Variants in DLG1 observed in about 807,000 individuals in gnomAD.
The protein encoded by DLG1 is disks large homolog 1.
A neutral mutation model predicts 123.4 loss-of-function variants in DLG1; 42 were observed. That is an observed-to-expected ratio of 0.34 (90% CI 0.27 to 0.44). The LOEUF (loss-of-function observed/expected upper bound fraction) is 0.44, where lower values mean the gene tolerates loss of function less well. DLG1 is among the 20% of genes least tolerant of loss of function. The pLI, the probability that DLG1 is intolerant of heterozygous loss-of-function variation, is 1.00. For synonymous variants in DLG1, 317 were observed against 356.2 expected (o/e 0.89, Z 1.24); for missense variants, 942 against 1,082.6 (o/e 0.87, Z 1.82).
At chr3:197,186,358 A>T (rs1715986378) in intron 5 of DLG1, among the ~76,000 whole-genome samples, 1 of 152,236 alleles carries the variant, frequency 6.6e-6, no homozygotes, top group African/African-American at 2.4e-5. Flanking sequence ...TGGAAAACCT[A>T]TTTAAAATAA....
chr3:197,261,761 C>T (rs1759547056), intron 4 of DLG1, among the ~76,000 whole-genome samples: 1 of 152,044 alleles, frequency 6.6e-6, no homozygotes, highest in South Asian at 2.1e-4. Context: ...GTTGTTATTA[C>T]TATTATTAGT....
intron 24 of DLG1, among the ~76,000 whole-genome samples, chr3:197,048,795 A>G (rs1725193152): frequency 6.6e-6 from 1 of 152,076 alleles, no homozygotes; most frequent in East Asian, 1.9e-4. Context: ...AGTTGGGATT[A>G]CAGGCATGCA....
intron 7 of DLG1, among the ~76,000 whole-genome samples, chr3:197,142,224 T>C (rs1788407388): frequency 6.6e-6 from 1 of 152,018 alleles, no homozygotes; most frequent in South Asian, 2.1e-4. Flanking sequence ...ATAAACAATA[T>C]AAACAAAATT....
At chr3:197,068,381 AC>A in intron 19 of DLG1, 1 of 701,136 alleles carries the variant, frequency 1.4e-6, no homozygotes, top group Non-Finnish European at 2.3e-6. Flanking sequence ...TCATTTCCAC[AC>A]CAAAAAAAAA....
intron 11 of DLG1, among the ~76,000 whole-genome samples, chr3:197,129,210 C>A (rs997690734): frequency 6.6e-6 from 1 of 152,338 alleles, no homozygotes; most frequent in Non-Finnish European, 1.5e-5. Flanking sequence ...TTTGGTGTAG[C>A]CACTTCCATT....
At chr3:197,210,637 A>ATG (rs1446592629) in intron 4 of DLG1, among the ~76,000 whole-genome samples, 1 of 143,148 alleles carries the variant, frequency 7.0e-6, no homozygotes, top group Non-Finnish European at 1.6e-5. Context: ...ATATATATAT[A>ATG]TAAGTCTTTA....
intron 4 of DLG1, among the ~76,000 whole-genome samples, chr3:197,280,836 C>T (rs979042554): frequency 6.6e-5 from 10 of 152,128 alleles, no homozygotes; most frequent in African/African-American, 1.7e-4. Flanking sequence ...TTAGTCCCTT[C>T]TGTGTTGCTA....
intron 4 of DLG1, among the ~76,000 whole-genome samples, chr3:197,279,768 G>C (rs1768274818): frequency 6.6e-6 from 1 of 152,096 alleles, no homozygotes. Context: ...ATGCACTACT[G>C]ATCTTCCTGA....
intron 18 of DLG1, among the ~76,000 whole-genome samples, chr3:197,072,380 ATTTAC>A (rs1744498693): frequency 1.0e-5 from 1 of 97,858 alleles, no homozygotes; most frequent in African/African-American, 2.7e-5. Flanking sequence ...GTAATACATT[ATTTAC>A]TTGTAATACA....
chr3:197,159,828 T>C (rs537942348), intron 5 of DLG1, among the ~76,000 whole-genome samples: 2 of 152,178 alleles, frequency 1.3e-5, no homozygotes, highest in African/African-American at 2.4e-5. Context: ...GCAGAATAAA[T>C]AGGTCTTTTT....
At chr3:197,193,244 G>C (rs909529405) in intron 5 of DLG1, among the ~76,000 whole-genome samples, 1 of 152,004 alleles carries the variant, frequency 6.6e-6, no homozygotes, top group Non-Finnish European at 1.5e-5. Context: ...AAATGGGCAC[G>C]TAACAGATAA....
intron 17 of DLG1, among the ~76,000 whole-genome samples, chr3:197,077,986 T>C (rs1748388642): frequency 6.6e-6 from 1 of 152,070 alleles, no homozygotes; most frequent in Non-Finnish European, 1.5e-5. Context: ...GTTTTTGGCA[T>C]GCCCTTATTT....
chr3:197,269,255 C>A (rs1392593571), intron 4 of DLG1, among the ~76,000 whole-genome samples: 1 of 152,130 alleles, frequency 6.6e-6, no homozygotes, highest in Admixed American at 6.5e-5. Flanking sequence ...TCACCACAAA[C>A]ACTTGATATA....
chr3:197,215,657 A>G (rs1353928233), intron 4 of DLG1, among the ~76,000 whole-genome samples: 1 of 152,180 alleles, frequency 6.6e-6, no homozygotes, highest in African/African-American at 2.4e-5. Context: ...GTGCTGAACC[A>G]AAAAGCCACA....
chr3:197,115,750 G>C (rs940656226), intron 13 of DLG1, among the ~76,000 whole-genome samples, 177 bp downstream of exon 13: 4 of 152,044 alleles, frequency 2.6e-5, no homozygotes, highest in Non-Finnish European at 2.9e-5. Flanking sequence ...TTCTATAAAA[G>C]AACACCTATT....
intron 5 of DLG1, among the ~76,000 whole-genome samples, chr3:197,168,647 A>T (rs184020053): frequency 1.3e-5 from 2 of 152,370 alleles, no homozygotes; most frequent in Non-Finnish European, 2.9e-5. Flanking sequence ...TCAGTATGGC[A>T]TTTTAAACTT....
At chr3:197,074,787 A>G (rs991949516) in intron 18 of DLG1, among the ~76,000 whole-genome samples, 2 of 152,068 alleles carry the variant, frequency 1.3e-5, no homozygotes, top group Non-Finnish European at 2.9e-5. Context: ...TTAAATCACT[A>G]TGGTTGAAAT....
rs778627694 is a variant in DLG1 at position 197,284,257 on chromosome 3, C to T, written c.152-1412G>A. 2.0e-5 allele frequency among the ~76,000 whole-genome samples: 3 copies of T among 152,190 alleles called. No homozygotes were observed. In the South Asian group the frequency reaches 6.2e-4, roughly 32 times the overall value. ...TACAGTGAGGATAATATTAACCTAC[C>T]TCACAGGGTGTTAAGAATATTATAT... On this transcript the variant is annotated intron_variant, in intron 3 of 24. Coordinates refer to ENST00000667157, the MANE Select transcript of DLG1 (RefSeq NM_001366207.1).
At chr3:197,180,067 T>TTGG (rs1491312070) in intron 5 of DLG1, among the ~76,000 whole-genome samples, 5 of 87,816 alleles carry the variant, frequency 5.7e-5, no homozygotes, top group Non-Finnish European at 6.7e-5. Flanking sequence ...GTTTTTTTTT[T>TTGG]GGGGGGGGGG....
Sources: gnomAD v4.1 joint callset for allele counts (sites outside exome capture counted in the v4.1 genomes callset) on GRCh38, gnomAD v4.1.1 for gene constraint, MANE v1.5 for transcripts, NCBI Gene and HGNC (gene_info 2026-07-23, HGNC 2026-07-21) for gene names.